DTWD2: variants seen among roughly 807,000 people sequenced by gnomAD.
The protein encoded by DTWD2 is tRNA-uridine aminocarboxypropyltransferase 2.
In DTWD2, 39 loss-of-function variants were observed where a neutral mutation model predicts 31.8. That is an observed-to-expected ratio of 1.22 (90% CI 0.95 to 1.60). The LOEUF is 1.60. Among genes scored for constraint, DTWD2 ranks in the 40% most tolerant of loss-of-function variants. The probability of loss-of-function intolerance (pLI) is 0.00; values close to 1 mark genes in which losing one functional copy is unlikely to be tolerated. For missense variants in DTWD2, 515 were observed against 381.5 expected, an observed-to-expected ratio of 1.35 and a Z score of -2.92; for synonymous variants, 180 against 142.8, an observed-to-expected ratio of 1.26 and a Z score of -1.86.
intron 3 of DTWD2, among the ~76,000 whole-genome samples, chr5:118,934,569 G>A (rs527345588): frequency 6.6e-6 from 1 of 151,808 alleles, no homozygotes; most frequent in African/African-American, 2.4e-5. Context: ...ACCACAAAAG[G>A]CATACCTAAA....
chr5:118,913,678 T>C (rs1486762590), intron 4 of DTWD2, among the ~76,000 whole-genome samples: 2 of 151,856 alleles, frequency 1.3e-5, no homozygotes, highest in Non-Finnish European at 2.9e-5. Flanking sequence ...AAGAAGTGAA[T>C]AACCGTAAGT....
chr5:118,973,407 C>T (rs1364894062), intron 1 of DTWD2, among the ~76,000 whole-genome samples: 2 of 152,080 alleles, frequency 1.3e-5, no homozygotes, highest in African/African-American at 4.8e-5. Flanking sequence ...TTTTCCTTTC[C>T]GTATTTAGTG....
chr5:118,946,863 C>T (rs1471109924), intron 1 of DTWD2, among the ~76,000 whole-genome samples: 2 of 152,184 alleles, frequency 1.3e-5, no homozygotes, highest in Non-Finnish European at 2.9e-5. Context: ...GTCTCACCCT[C>T]CTGAATAGCT....
chr5:118,930,689 A>T (rs1203728931), intron 3 of DTWD2, among the ~76,000 whole-genome samples: 1 of 152,246 alleles, frequency 6.6e-6, no homozygotes, highest in Non-Finnish European at 1.5e-5. Flanking sequence ...ATGTTACAAC[A>T]TACATGTTAC....
chr5:118,867,719 T>C (rs1167560778), intron 4 of DTWD2, among the ~76,000 whole-genome samples: 1 of 152,184 alleles, frequency 6.6e-6, no homozygotes, highest in Non-Finnish European at 1.5e-5. Flanking sequence ...CATGCAGTCA[T>C]CTATAACAAC....
At chr5:118,939,371 T>G (rs1754129642) in intron 2 of DTWD2, 81 bp from the exon 3 acceptor site, 1 of 1,207,940 alleles carries the variant, frequency 8.3e-7, no homozygotes, top group African/African-American at 1.6e-5. Flanking sequence ...AACATCTGAT[T>G]CATAACTTTA....
rs1000742621 is a variant in DTWD2 at position 118,923,443 on chromosome 5, G to C, written c.597+5094C>G. On this transcript the variant is annotated intron_variant, in intron 4 of 5. Coordinates refer to ENST00000510708, the MANE Select transcript of DTWD2 (RefSeq NM_173666.4). ...TATGACCTTCCGGGTATACACCACC[G>C]GAAAAAGGGAAGAAAGCCTCAGACA... Among the ~76,000 whole-genome samples, 3 of 152,218 alleles carry C rather than the reference G, an allele frequency of 2.0e-5. No homozygotes were observed. In the East Asian group the frequency reaches 5.8e-4, roughly 29 times the overall value.
intron 4 of DTWD2, among the ~76,000 whole-genome samples, chr5:118,925,042 A>G (rs778396082): frequency 6.6e-5 from 10 of 152,214 alleles, no homozygotes; most frequent in Non-Finnish European, 8.8e-5. Context: ...TCTAAAAACA[A>G]TGTCTGCATT....
At chr5:118,851,686 T>C (rs1297297417) in intron 4 of DTWD2, among the ~76,000 whole-genome samples, 2 of 97,268 alleles carry the variant, frequency 2.1e-5, no homozygotes, top group Admixed American at 2.8e-4. Flanking sequence ...CCGGGGCCTG[T>C]TGTGGGGTGG....
At chr5:118,893,626 T>C (rs1373198458) in intron 4 of DTWD2, among the ~76,000 whole-genome samples, 1 of 152,084 alleles carries the variant, frequency 6.6e-6, no homozygotes, top group African/African-American at 2.4e-5. Flanking sequence ...CTAGATTACA[T>C]GAATGGTCCC....
intron 4 of DTWD2, among the ~76,000 whole-genome samples, chr5:118,927,716 TAGAAGAGTTTGAA>T (rs755790297): frequency 5.5e-4 from 83 of 152,214 alleles, no homozygotes; most frequent in Non-Finnish European, 9.9e-4. Context: ...ATAATTTCCT[TAGAAGAGTTTGAA>T]AGAAGAATTT....
chr5:118,899,623 C>G (rs1298656956), intron 4 of DTWD2, among the ~76,000 whole-genome samples: 1 of 152,156 alleles, frequency 6.6e-6, no homozygotes, highest in South Asian at 2.1e-4. Flanking sequence ...TAACTAGTAC[C>G]CAAGTCAAGA....
intron 4 of DTWD2, among the ~76,000 whole-genome samples, chr5:118,873,971 C>G (rs938453116): frequency 3.3e-5 from 5 of 152,324 alleles, no homozygotes; most frequent in South Asian, 2.1e-4. Flanking sequence ...GTTGCAACTG[C>G]TGCAGCTTGG....
At chr5:118,841,164 T>C in intron 5 of DTWD2, 77 bp from the exon 6 acceptor site, 2 of 1,485,282 alleles carry the variant, frequency 1.3e-6, no homozygotes, top group Non-Finnish European at 9.0e-7. Flanking sequence ...CATTCAGAAA[T>C]AGGAGTTACT....
rs191561862 is a variant in DTWD2 at position 118,977,320 on chromosome 5, T to C, written c.218+10974A>G. Reference sequence around the variant, plus strand: ...CTCACCACTGCTATTCAAAATAGTATTGGAAGTTCTGGTCAGGGCAATCAG... The same window carrying C: ...CTCACCACTGCTATTCAAAATAGTACTGGAAGTTCTGGTCAGGGCAATCAG... On this transcript the variant is annotated intron_variant, in intron 1 of 5. Transcript: ENST00000510708. Among the ~76,000 whole-genome samples, 327 of 152,290 alleles carry C rather than the reference T, an allele frequency of 2.1e-3. 1 individual carries two copies. Among genetic ancestry groups the C allele is most frequent in the African/African-American group, 7.2e-3 (299 of 41,554 alleles).
At chr5:118,876,883 C>T (rs1469497726) in intron 4 of DTWD2, among the ~76,000 whole-genome samples, 1 of 152,132 alleles carries the variant, frequency 6.6e-6, no homozygotes, top group Non-Finnish European at 1.5e-5. Context: ...TCTGCAAGGC[C>T]AGCATCATCG....
At chr5:118,918,965 C>A (rs1340515918) in intron 4 of DTWD2, among the ~76,000 whole-genome samples, 1 of 152,144 alleles carries the variant, frequency 6.6e-6, no homozygotes. Flanking sequence ...AAATAGGGCC[C>A]CTTCCTGTCA....
intron 1 of DTWD2, among the ~76,000 whole-genome samples, chr5:118,973,524 G>C (rs1755040992): frequency 6.6e-6 from 1 of 152,108 alleles, no homozygotes; most frequent in Non-Finnish European, 1.5e-5. Flanking sequence ...AGCTTAGTTT[G>C]GCTGGAGATG....
At chr5:118,860,304 A>T (rs969239865) in intron 4 of DTWD2, among the ~76,000 whole-genome samples, 11 of 150,900 alleles carry the variant, frequency 7.3e-5, no homozygotes, top group African/African-American at 2.7e-4. Context: ...TGCTATAAAC[A>T]TTGTTCTGTA....
Sources: allele counts gnomAD v4.1 joint callset (sites outside exome capture counted in the v4.1 genomes callset), GRCh38; gene constraint gnomAD v4.1.1; transcripts MANE v1.5; gene names NCBI Gene and HGNC (gene_info 2026-07-23, HGNC 2026-07-21).